The following TRDN variants were observed in gnomAD, a reference collection of about 807,000 sequenced individuals.
TRDN encodes the protein triadin in skeletal muscle.
Under a neutral mutation model 149.7 loss-of-function variants are expected in TRDN, and 161 were observed. The observed-to-expected ratio is 1.08, with a 90% confidence interval of 0.95 to 1.23. The LOEUF is 1.23. Among genes scored for constraint, TRDN ranks in the 50% most tolerant of loss-of-function variants. The probability of loss-of-function intolerance (pLI) is 0.00; values close to 1 mark genes in which losing one functional copy is unlikely to be tolerated. For missense variants in TRDN, 896 were observed against 823.5 expected (o/e 1.09, Z -1.08); for synonymous variants, 294 against 250.5 (o/e 1.17, Z -1.64).
At chr6:123,541,708 A>G (rs993595285) in intron 4 of TRDN, among the ~76,000 whole-genome samples, 1 of 152,146 alleles carries the variant, frequency 6.6e-6, no homozygotes, top group African/African-American at 2.4e-5. Context: ...ATACTTAACA[A>G]TGTTACTAGG....
At chr6:123,483,501 C>G (rs1013041274) in intron 9 of TRDN, among the ~76,000 whole-genome samples, 3 of 152,116 alleles carry the variant, frequency 2.0e-5, no homozygotes, top group Admixed American at 2.0e-4. Context: ...CAATACTAAA[C>G]TCATTGCAAG....
chr6:123,628,888 A>C (rs1436224181), intron 1 of TRDN, among the ~76,000 whole-genome samples: 1 of 152,128 alleles, frequency 6.6e-6, no homozygotes, highest in East Asian at 1.9e-4. Context: ...ATCTAGGATG[A>C]TAATTAATAC....
At chr6:123,350,860 T>G (rs1034288330) in intron 21 of TRDN, 3 of 983,838 alleles carry the variant, frequency 3.0e-6, no homozygotes, top group Non-Finnish European at 1.2e-6. Flanking sequence ...AAAAGAAGAT[T>G]TTAGTAAACA....
At chr6:123,220,877 A>C (rs1214562427) in intron 40 of TRDN, among the ~76,000 whole-genome samples, 1 of 151,808 alleles carries the variant, frequency 6.6e-6, no homozygotes, top group Admixed American at 6.6e-5. Flanking sequence ...TTTAATGCAA[A>C]TACAGATTTA....
At chr6:123,551,260 A>T (rs1036477029) in intron 2 of TRDN, among the ~76,000 whole-genome samples, 3 of 142,684 alleles carry the variant, frequency 2.1e-5, no homozygotes, top group Admixed American at 7.1e-5. Context: ...GGCTATTTTT[A>T]TGAAGTTATC....
intron 31 of TRDN, 124 bp from the exon 32 acceptor site, chr6:123,267,875 A>T (rs1777066626): frequency 1.5e-6 from 1 of 672,452 alleles, no homozygotes; most frequent in African/African-American, 1.9e-5. Context: ...TTTTCATGTA[A>T]TTTGAAACAA....
chr6:123,339,534 G>C (rs1779993011), intron 21 of TRDN, among the ~76,000 whole-genome samples: 1 of 152,168 alleles, frequency 6.6e-6, no homozygotes, highest in Non-Finnish European at 1.5e-5. Context: ...AACAGGTGAA[G>C]TGCAGATCAT....
chr6:123,304,344 C>T (rs764397111), intron 24 of TRDN, among the ~76,000 whole-genome samples: 2 of 148,416 alleles, frequency 1.3e-5, no homozygotes, highest in Non-Finnish European at 3.0e-5. Flanking sequence ...CCTCCGCCTC[C>T]TTGGTTCAAG....
intron 24 of TRDN, among the ~76,000 whole-genome samples, chr6:123,283,171 A>G (rs1777642714): frequency 6.6e-6 from 1 of 151,970 alleles, no homozygotes; most frequent in Non-Finnish European, 1.5e-5. Context: ...GAACCTTCAA[A>G]ACTATAAAAA....
In TRDN at chr6:123,512,371, G is replaced by C. The variant is rs370301712; in HGVS notation, c.551-9C>G. ...TTTTTCCTTGTGAGTTGCTTAAACAGAAAATTTTACATTAGTACACATTTT... is the reference window on the plus strand; with the variant it reads ...TTTTTCCTTGTGAGTTGCTTAAACACAAAATTTTACATTAGTACACATTTT... On this transcript the variant is annotated splice_polypyrimidine_tract_variant and intron_variant, in intron 6 of 40. Transcript: ENST00000334268. The C allele has an allele frequency of 5.4e-6, 8 of 1,470,782 alleles. No individual in the cohort carries two copies. The highest frequency in any genetic ancestry group is 7.5e-6 in the Non-Finnish European group (8 of 1,072,940). 91.1% of individuals were successfully genotyped at this position (1,470,782 alleles called of 1,614,324 possible). A position where few individuals can be genotyped will look rare whatever the true frequency, so the allele number is the denominator to read the frequency against.
intron 24 of TRDN, among the ~76,000 whole-genome samples, chr6:123,284,920 C>T (rs1202493054): frequency 6.6e-6 from 1 of 151,840 alleles, no homozygotes; most frequent in African/African-American, 2.4e-5. Flanking sequence ...ACAATAGCTG[C>T]AAAAAAATTA....
At chr6:123,522,185 A>G (rs1001541113) in intron 5 of TRDN, among the ~76,000 whole-genome samples, 2 of 152,148 alleles carry the variant, frequency 1.3e-5, no homozygotes, top group African/African-American at 2.4e-5. Context: ...CTGACAATAC[A>G]GGTGGATGTA....
Position 123,612,094 on chromosome 6 carries a change from G to A in TRDN, c.22+24660C>T, listed in dbSNP as rs1165032102. 2.6e-5 allele frequency among the ~76,000 whole-genome samples: 4 copies of A among 151,482 alleles called. No individual in the cohort carries two copies. In the South Asian group the frequency reaches 8.4e-4, roughly 32 times the overall value. The stretch of plus-strand genomic sequence containing the variant: ...GTGGTGATCTGCCATTTTCAAGTTC[G>A]AAAATAGAAGAGGGGGCCGGGCGCA... On this transcript the variant is annotated intron_variant, in intron 1 of 40. Coordinates refer to ENST00000334268, the MANE Select transcript of TRDN (RefSeq NM_006073.4).
At position 123,454,275 on chromosome 6, in the gene TRDN, G is replaced by A. The variant is rs528303926; in HGVS notation, c.931+10631C>T. Among the ~76,000 whole-genome samples, 23 of 151,956 alleles carry A rather than the reference G, an allele frequency of 1.5e-4. No individual in the cohort carries two copies. In the South Asian group the frequency reaches 3.7e-3, roughly 25 times the overall value. On this transcript the variant is annotated intron_variant, in intron 10 of 40. Coordinates refer to ENST00000334268, the MANE Select transcript of TRDN (RefSeq NM_006073.4). ...ATACCACCTGTACTCAATAACTGAC[G>A]GAAAAATGTTAAAAAATGATATCAT...
intron 5 of TRDN, among the ~76,000 whole-genome samples, chr6:123,528,144 T>C (rs7751763): frequency 0.87 from 131,754 of 151,854 alleles, 57,186 homozygotes; most frequent in East Asian, 0.98. Context: ...TATAAAAGTA[T>C]CTAATTTCTT....
intron 23 of TRDN, among the ~76,000 whole-genome samples, chr6:123,320,409 G>T (rs1779198886): frequency 6.6e-6 from 1 of 151,852 alleles, no homozygotes; most frequent in African/African-American, 2.4e-5. Context: ...ATACATGATA[G>T]TGCTTAGACT....
chr6:123,234,229 T>C (rs1775707977), intron 38 of TRDN, among the ~76,000 whole-genome samples: 1 of 152,100 alleles, frequency 6.6e-6, no homozygotes. Context: ...TACAGTAATG[T>C]TGCCATTCCA....
intron 19 of TRDN, among the ~76,000 whole-genome samples, chr6:123,367,782 G>A (rs1781170068): frequency 6.6e-6 from 1 of 152,192 alleles, no homozygotes; most frequent in South Asian, 2.1e-4. Flanking sequence ...CCAGTTCCCA[G>A]GGGATGCTTA....
intron 12 of TRDN, among the ~76,000 whole-genome samples, chr6:123,394,572 A>G (rs1290128054): frequency 6.6e-6 from 1 of 152,176 alleles, no homozygotes; most frequent in Non-Finnish European, 1.5e-5. Context: ...GTGGATATGT[A>G]GTAGTTGATT....
Sources: gnomAD v4.1 joint callset for allele counts (sites outside exome capture counted in the v4.1 genomes callset) on GRCh38, gnomAD v4.1.1 for gene constraint, MANE v1.5 for transcripts, NCBI Gene and HGNC (gene_info 2026-07-23, HGNC 2026-07-21) for gene names.